Variants in AREL1 observed in about 807,000 individuals in gnomAD.
AREL1 encodes apoptosis-resistant E3 ubiquitin protein ligase 1.
In AREL1, 62 loss-of-function variants were observed where a neutral mutation model predicts 99.0. The observed-to-expected ratio is 0.63, with a 90% CI of 0.51 to 0.77. AREL1 has a LOEUF of 0.77. Among genes scored for constraint, AREL1 ranks in the 30% least tolerant of loss-of-function variants. The pLI, the probability that AREL1 is intolerant of heterozygous loss-of-function variation, is 0.00. For missense variants in AREL1, 879 were observed against 1,027.6 expected (o/e 0.86, Z 1.98); for synonymous variants, 380 against 376.5 (o/e 1.01, Z -0.11).
At position 74,669,246 on chromosome 14, in the gene AREL1, T is replaced by C. The variant is rs547704080; in HGVS notation, c.1914+403A>G. 2.6e-5 allele frequency among the ~76,000 whole-genome samples: 4 copies of C among 152,218 alleles called. No homozygotes were observed. In the East Asian group the frequency reaches 7.7e-4, roughly 29 times the overall value. ...TGTGTTAAAATAGGAATCACCTACA[T>C]CACTACTGCAAATGTTGACACAGAC... On this transcript the variant is annotated intron_variant, in intron 15 of 19. Transcript: ENST00000356357.
intron 5 of AREL1, among the ~76,000 whole-genome samples, chr14:74,682,592 G>C (rs2139914111): frequency 6.6e-6 from 1 of 152,330 alleles, no homozygotes; most frequent in African/African-American, 2.4e-5. Flanking sequence ...ATCTGGTTTA[G>C]ATATTTGTAC....
chr14:74,690,428 G>A lies in AREL1; in HGVS notation c.-46+1613C>T, dbSNP rs146203316. ...CTTCCTTGTAGATAGAGTTTGAAAG[G>A]ATTTCTCTAACAGTATATTCACTTG... is the stretch of plus-strand genomic sequence containing the variant. On this transcript the variant is annotated intron_variant, in intron 2 of 19. Transcript: ENST00000356357. 3.9e-3 allele frequency among the ~76,000 whole-genome samples: 592 copies of A among 152,254 alleles called. 3 individuals carry two copies. The highest frequency in any genetic ancestry group is 0.013 in the African/African-American group (559 of 41,542).
At chr14:74,666,314 G>A (rs1417201694) in intron 17 of AREL1, among the ~76,000 whole-genome samples, 2 of 152,136 alleles carry the variant, frequency 1.3e-5, no homozygotes, top group Non-Finnish European at 2.9e-5. Flanking sequence ...ATTTTGTACT[G>A]ATGTCTCATC....
At position 74,664,443 on chromosome 14, in the gene AREL1, CCTTT is replaced by C. The variant is rs1482981319; in HGVS notation, c.2194-373_2194-370del. ...GACTCCCCTACTTTTTTCTTCTTTT[CCTTT>C]CTTTTTTTTTTTTTTTTTTTTTTTG... On this transcript the variant is annotated intron_variant, in intron 18 of 19. Transcript: ENST00000356357. 8.5e-5 allele frequency among the ~76,000 whole-genome samples: 12 copies of C among 140,698 alleles called. 1 individual carries two copies. In the East Asian group the frequency reaches 1.5e-3, roughly 18 times the overall value. 92.3% of individuals were successfully genotyped at this position (140,698 alleles called of 152,430 possible). A position where few individuals can be genotyped will look rare whatever the true frequency, so the allele number is the denominator to read the frequency against.
chr14:74,705,586 G>A (rs892475304), intron 1 of AREL1, among the ~76,000 whole-genome samples: 7 of 151,950 alleles, frequency 4.6e-5, no homozygotes, highest in South Asian at 2.1e-4. Flanking sequence ...TGGCTTTAAC[G>A]AGAGTCTTTT....
At chr14:74,671,979 C>T in intron 11 of AREL1, 1 of 454,740 alleles carries the variant, frequency 2.2e-6, no homozygotes. Flanking sequence ...CAGAGCCAAA[C>T]ATCACAAACA....
chr14:74,692,034 A>T lies in AREL1; in HGVS notation c.-46+7T>A. On this transcript the variant is annotated splice_region_variant and intron_variant, in intron 2 of 19. Transcript: ENST00000356357. ...TAACTAAAGCTTAACTCAGTCTGTT[A>T]CCTTACCTTTAAACGAGGGCCCATG... 2.7e-6 allele frequency: 1 copy of T among 377,156 alleles called. No individual in the cohort carries two copies. The highest frequency in any genetic ancestry group is 5.1e-6 in the Non-Finnish European group (1 of 197,414). The allele number at this position is 377,156 out of a possible 1,614,324, so 23.4% of individuals were successfully genotyped here.
At chr14:74,688,031 T>C (rs113892770) in intron 2 of AREL1, among the ~76,000 whole-genome samples, 3 of 144,680 alleles carry the variant, frequency 2.1e-5, no homozygotes, top group East Asian at 2.0e-4. Flanking sequence ...TTTTTTTTTT[T>C]TTTTTTTTTT....
chr14:74,664,296 T>C (rs2089157270), intron 18 of AREL1, among the ~76,000 whole-genome samples: 1 of 152,160 alleles, frequency 6.6e-6, no homozygotes, highest in Admixed American at 6.5e-5. Flanking sequence ...CATCTCCAAT[T>C]TACTACTCCT....
chr14:74,694,990 G>GA (rs548884827), intron 1 of AREL1, among the ~76,000 whole-genome samples: 3,244 of 82,624 alleles, frequency 0.039, 69 homozygotes, highest in Middle Eastern at 0.061. Context: ...CTCTGTCTCG[G>GA]AAAAAAAAAA....
rs773540091 is a variant in AREL1 at position 74,676,744 on chromosome 14, C to A, written c.490G>T (p.Val164Phe). ...YYKIFQPGMV[V>F]PSKTKIVCHF... is the part of the protein sequence containing the mutation. ...CACACAATTTTGGTCTTAGAAGGAA[C>A]CACCATTCCTGGAACAAAGACAATG... The change falls in exon 6 of 20, where the codon GTT (valine) becomes TTT (phenylalanine). Residue 164 changes from valine (V) to phenylalanine (F), a missense_variant. By Grantham distance (50) the Val-to-Phe change is conservative. Transcript: ENST00000356357. 2 of 1,593,128 alleles carry A rather than the reference C, an allele frequency of 1.3e-6. No homozygotes were observed. Among genetic ancestry groups the A allele is most frequent in the South Asian group, 2.3e-5 (2 of 86,572 alleles).
At chr14:74,677,000 T>A (rs10137269) in intron 5 of AREL1, among the ~76,000 whole-genome samples, 1 of 151,794 alleles carries the variant, frequency 6.6e-6, no homozygotes, top group Non-Finnish European at 1.5e-5. Flanking sequence ...GGGGTTTCAC[T>A]GTGTTAGCCA....
chr14:74,669,411 T>C (rs2089280393), intron 15 of AREL1, among the ~76,000 whole-genome samples: 2 of 152,184 alleles, frequency 1.3e-5, no homozygotes, highest in African/African-American at 2.4e-5. Flanking sequence ...TCATAAAGCA[T>C]AGGATGCAAT....
Position 74,667,590 on chromosome 14 carries a change from A to G in AREL1, c.1919T>C (p.Val640Ala). The G allele has an allele frequency of 6.2e-7, 1 of 1,605,998 alleles. No homozygotes were observed. The highest frequency in any genetic ancestry group is 8.5e-7 in the Non-Finnish European group (1 of 1,175,798). Residue 640 changes from valine (V) to alanine (A), a missense_variant, in exon 16 of 20, where the codon GTA (valine) becomes GCA (alanine). By Grantham distance (64) the Val-to-Ala change is moderately conservative. Coordinates refer to ENST00000356357, the MANE Select transcript of AREL1 (RefSeq NM_001039479.2). ...TTGAGCTCCACCTGTCATGAGTTCTACAACCTGTAACAGGCAGCAAAAGAC... is the reference window on the plus strand; with the variant it reads ...TTGAGCTCCACCTGTCATGAGTTCTGCAACCTGTAACAGGCAGCAAAAGAC... The part of the protein sequence containing the change: ...YNKSGQLDKV[V>A]ELMTGGAQTP...
At position 74,673,088 on chromosome 14, in the gene AREL1, T is replaced by C; in HGVS notation, c.1289A>G (p.His430Arg). Residue 430 changes from histidine (H) to arginine (R), a missense_variant, in exon 10 of 20, where the codon CAT (histidine) becomes CGT (arginine). By Grantham distance (29) the His-to-Arg change is conservative. Transcript: ENST00000356357. ...ILAATFIRSL[H>R]KNIGGSETFQ... ...CTGTGTAACCTCACCTATGTTCTTA[T>C]GCAGGGAGCGGATAAAAGTGGCTGC... 6 of 1,614,206 alleles carry C rather than the reference T, an allele frequency of 3.7e-6. No homozygotes were observed. Among genetic ancestry groups the C allele is most frequent in the Non-Finnish European group, 5.1e-6 (6 of 1,180,030 alleles).
intron 1 of AREL1, among the ~76,000 whole-genome samples, chr14:74,702,681 C>T (rs2090108490): frequency 6.6e-6 from 1 of 152,188 alleles, no homozygotes; most frequent in Non-Finnish European, 1.5e-5. Context: ...TGAATTTCTC[C>T]TCAAAAAATG....
In AREL1 at chr14:74,676,198, T is replaced by C. The variant is rs759318078; in HGVS notation, c.775A>G (p.Ile259Val). Residue 259 changes from isoleucine to valine, a missense_variant, in exon 7 of 20, where the codon ATT (isoleucine) becomes GTT (valine). Coordinates refer to ENST00000356357, the MANE Select transcript of AREL1 (RefSeq NM_001039479.2). ...TTGATTGGCTGATTTTGGTATGAAA[T>C]GCAAGCATGGAAGCAGCCTCGAGAA... ...LHSRGCFHAC[I>V]SYQNQPINNG... The C allele has an allele frequency of 5.6e-6, 9 of 1,614,092 alleles. No homozygotes were observed. Among genetic ancestry groups the C allele is most frequent in the South Asian group, 4.4e-5 (4 of 91,082 alleles).
chr14:74,683,078 A>G (rs368320038), intron 5 of AREL1, among the ~76,000 whole-genome samples: 6 of 151,904 alleles, frequency 3.9e-5, no homozygotes, highest in African/African-American at 1.4e-4. Flanking sequence ...GACTACTAAC[A>G]TGTATGGGGT....
chr14:74,664,919 T>C lies in AREL1; in HGVS notation c.2110A>G (p.Met704Val). The change falls in exon 18 of 20, where the codon ATG becomes GTG. Residue 704 changes from methionine to valine, a missense_variant. Coordinates refer to ENST00000356357, the MANE Select transcript of AREL1 (RefSeq NM_001039479.2). ...ACACTGATGTCTCCAGTCCCACACA[T>C]CAGCAGCTGGAAAAAGATGGTAAGG... ...IFDENELELL[M>V]CGTGDISVSD... is the part of the protein sequence containing the mutation. 1 of 1,613,054 alleles carries C rather than the reference T, an allele frequency of 6.2e-7. No homozygotes were observed. The highest frequency in any genetic ancestry group is 8.5e-7 in the Non-Finnish European group (1 of 1,179,428).
Sources: gnomAD v4.1 joint callset for allele counts (sites outside exome capture counted in the v4.1 genomes callset) on GRCh38, gnomAD v4.1.1 for gene constraint, MANE v1.5 for transcripts, NCBI Gene and HGNC (gene_info 2026-07-23, HGNC 2026-07-21) for gene names.